Variants in USH2A observed in about 807,000 individuals in gnomAD.
USH2A encodes the protein Usher syndrome 2A (autosomal recessive, mild).
In USH2A, 443 loss-of-function variants were observed where a neutral mutation model predicts 538.9. The ratio of observed to expected loss-of-function variants is 0.82; its 90% CI spans 0.76 to 0.89. USH2A has a LOEUF of 0.89. Among genes scored for constraint, USH2A ranks in the 40% least tolerant of loss-of-function variants. The pLI, the probability that USH2A is intolerant of heterozygous loss-of-function variation, is 0.00. For missense variants in USH2A, 6,633 were observed against 6,324.8 expected, an observed-to-expected ratio of 1.05 and a Z score of -1.65; for synonymous variants, 2,413 against 2,273.5, an observed-to-expected ratio of 1.06 and a Z score of -1.75.
chr1:216,013,396 C>T lies in USH2A; in HGVS notation c.6326-12834G>A, dbSNP rs1283488985. Among the ~76,000 whole-genome samples, 7 of 151,904 alleles carry T rather than the reference C, an allele frequency of 4.6e-5. No homozygotes were observed. In the East Asian group the frequency reaches 1.2e-3, roughly 25 times the overall value. On this transcript the variant is annotated intron_variant, in intron 32 of 71. Coordinates refer to ENST00000307340, the MANE Select transcript of USH2A (RefSeq NM_206933.4). ...TCTCCATACCATCCCCCAAAATTTT[C>T]GCTGTCCCAACACTTTACCACTATT...
At chr1:216,259,181 T>C (rs1179898599) in intron 11 of USH2A, among the ~76,000 whole-genome samples, 1 of 152,002 alleles carries the variant, frequency 6.6e-6, no homozygotes, top group Non-Finnish European at 1.5e-5. Context: ...AGAATTTGGA[T>C]GGAGATTAGC....
At chr1:215,660,148 G>A (rs1171891372) in intron 64 of USH2A, among the ~76,000 whole-genome samples, 6 of 152,114 alleles carry the variant, frequency 3.9e-5, no homozygotes, top group East Asian at 1.9e-4. Context: ...CTTAAGGTTC[G>A]AATTTGAGTC....
Position 215,623,146 on chromosome 1 carries a change from T to A in USH2A, c.*2635A>T, listed in dbSNP as rs1468771110. Reference sequence around the variant, plus strand: ...TACAGTAGATTATAAACACATTTCTTAGAGTGTATAAAAACAACTGTACTC... The same window carrying A: ...TACAGTAGATTATAAACACATTTCTAAGAGTGTATAAAAACAACTGTACTC... On this transcript the variant is annotated 3_prime_UTR_variant, in exon 72 of 72. Transcript: ENST00000307340. The A allele has an allele frequency of 6.6e-6, 1 of 152,102 alleles. No homozygotes were observed. The highest frequency in any genetic ancestry group is 6.6e-5 in the Admixed American group (1 of 15,258). 9.4% of individuals were successfully genotyped at this position (152,102 alleles called of 1,614,324 possible).
chr1:216,194,849 G>A (rs2034802178), intron 19 of USH2A, among the ~76,000 whole-genome samples: 1 of 152,052 alleles, frequency 6.6e-6, no homozygotes, highest in Non-Finnish European at 1.5e-5. Flanking sequence ...TATCCCAGAG[G>A]CGGAAAGGGC....
intron 21 of USH2A, among the ~76,000 whole-genome samples, chr1:216,161,964 T>G (rs1468342282): frequency 1.3e-5 from 2 of 152,062 alleles, no homozygotes; most frequent in East Asian, 3.9e-4. Flanking sequence ...CAGGTGCTTT[T>G]GAAGGTTTTT....
chr1:216,084,804 A>G lies in USH2A; in HGVS notation c.5061T>C (p.Ile1687=), dbSNP rs144857806. 17 of 1,613,472 alleles carry G rather than the reference A, an allele frequency of 1.1e-5. No homozygotes were observed. The African/African-American group carries it at 2.3e-4, about 22-fold the overall frequency. The change falls in exon 25 of 72, where the codon ATT becomes ATC. Residue 1687 remains isoleucine (I), a synonymous_variant. Transcript: ENST00000307340. The stretch of plus-strand genomic sequence containing the variant: ...AACTCTGCCAATCCAGAGGTTCCCA[A>G]ATAGCTGACGGATTGTAATTCTTCA... The part of the protein sequence containing the change: ...HFMKNYNPSA[I]WEPLDWQSSE...
intron 21 of USH2A, among the ~76,000 whole-genome samples, chr1:216,131,221 A>G (rs1231303282): frequency 1.3e-5 from 2 of 151,800 alleles, no homozygotes; most frequent in East Asian, 1.9e-4. Context: ...CCTTTGTCAG[A>G]TGGATAGATT....
intron 3 of USH2A, among the ~76,000 whole-genome samples, chr1:216,370,677 C>CA (rs58845914): frequency 0.088 from 2,645 of 29,890 alleles, 496 homozygotes; most frequent in African/African-American, 0.15. Flanking sequence ...GACTCTGTCT[C>CA]AAAAAAAAAA....
chr1:215,678,458 G>T (rs1436009322), intron 62 of USH2A, among the ~76,000 whole-genome samples: 1 of 152,202 alleles, frequency 6.6e-6, no homozygotes, highest in East Asian at 1.9e-4. Flanking sequence ...TGTTCATTTT[G>T]TCTGGAACAT....
At chr1:216,207,931 A>C (rs2035152959) in intron 15 of USH2A, among the ~76,000 whole-genome samples, 3 of 152,078 alleles carry the variant, frequency 2.0e-5, no homozygotes, top group African/African-American at 7.2e-5. Context: ...GGTGATATAA[A>C]TAGCTATGGA....
At chr1:216,088,925 A>C in intron 23 of USH2A, 88 bp downstream of exon 23, 3 of 1,572,376 alleles carry the variant, frequency 1.9e-6, no homozygotes, top group Non-Finnish European at 2.6e-6. Flanking sequence ...ATTATGGTGA[A>C]ATAAGAATGT....
At chr1:215,725,499 TTGC>T (rs1659786736) in intron 61 of USH2A, among the ~76,000 whole-genome samples, 1 of 152,158 alleles carries the variant, frequency 6.6e-6, no homozygotes, top group African/African-American at 2.4e-5. Flanking sequence ...CTTGCCTAGA[TTGC>T]TTTGTGGAAG....
intron 61 of USH2A, among the ~76,000 whole-genome samples, chr1:215,717,645 C>T (rs371227255): frequency 6.6e-6 from 1 of 152,126 alleles, no homozygotes; most frequent in East Asian, 1.9e-4. Context: ...AGTAGATTCT[C>T]AAAAGAGAAA....
chr1:216,209,247 A>T (rs2035184542), intron 15 of USH2A, among the ~76,000 whole-genome samples: 1 of 152,196 alleles, frequency 6.6e-6, no homozygotes, highest in African/African-American at 2.4e-5. Context: ...TCATGGAGGG[A>T]TGCAGTTAGC....
rs141415717 is a variant in USH2A at position 216,252,831 on chromosome 1, T to C, written c.1972-1733A>G. Among the ~76,000 whole-genome samples the C allele has an allele frequency of 1.9e-3, 283 of 152,286 alleles. 3 individuals are homozygous for C. Among genetic ancestry groups the C allele is most frequent in the African/African-American group, 6.6e-3 (274 of 41,554 alleles). On this transcript the variant is annotated intron_variant, in intron 11 of 71. Coordinates refer to ENST00000307340, the MANE Select transcript of USH2A (RefSeq NM_206933.4). ...ATTTGATTCAGCCTACAAAAATAGATGGCATTTATTGGTGGATATGTGTAA... is the reference window on the plus strand; with the variant it reads ...ATTTGATTCAGCCTACAAAAATAGACGGCATTTATTGGTGGATATGTGTAA...
intron 61 of USH2A, among the ~76,000 whole-genome samples, chr1:215,708,051 A>T (rs948513747): frequency 6.6e-6 from 1 of 152,204 alleles, no homozygotes; most frequent in African/African-American, 2.4e-5. Context: ...TGACCATCAT[A>T]TCTGAAGCAA....
chr1:215,631,670 C>T (rs1656288175), intron 70 of USH2A, among the ~76,000 whole-genome samples: 1 of 152,194 alleles, frequency 6.6e-6, no homozygotes, highest in Non-Finnish European at 1.5e-5. Context: ...GAATGGCTTC[C>T]CTGCTGAGGA....
Position 216,422,144 on chromosome 1 carries a change from T to G in USH2A, c.193A>C (p.Thr65Pro), listed in dbSNP as rs200741942. 2 of 1,613,808 alleles carry G rather than the reference T, an allele frequency of 1.2e-6. No individual in the cohort carries two copies. ...GCAGCAGCAGAGCTGTGACAAAAAG[T>G]GCTTCGGTCTGGGAGTCCACATACT... ...QAVCGLPDRSTFCHSSAAAES... is the reference protein window; with the variant it reads ...QAVCGLPDRSPFCHSSAAAES... The change falls in exon 2 of 72, where the codon ACT (threonine) becomes CCT (proline). Residue 65 changes from threonine to proline, a missense_variant. Physicochemically the swap from Thr to Pro is conservative, Grantham distance 38 (BLOSUM62 -1). Transcript: ENST00000307340.
rs187019737 is a variant in USH2A at position 216,169,886 on chromosome 1, G to T, written c.4627+5366C>A. On this transcript the variant is annotated intron_variant, in intron 21 of 71. Coordinates refer to ENST00000307340, the MANE Select transcript of USH2A (RefSeq NM_206933.4). ...CTAGGGCTGAAATCTAACATCAAAG[G>T]TTAGGTAAAATTTGTGATTTAAATC... is the stretch of plus-strand genomic sequence containing the variant. Among the ~76,000 whole-genome samples, 13 of 151,952 alleles carry T rather than the reference G, an allele frequency of 8.6e-5. No individual in the cohort carries two copies. The East Asian group carries it at 1.7e-3, about 20-fold the overall frequency.
Sources: allele counts gnomAD v4.1 joint callset (sites outside exome capture counted in the v4.1 genomes callset), GRCh38; gene constraint gnomAD v4.1.1; transcripts MANE v1.5; gene names NCBI Gene and HGNC (gene_info 2026-07-23, HGNC 2026-07-21).